ETV6: variants seen among roughly 807,000 people sequenced by gnomAD.
The protein encoded by ETV6 is transcription factor ETV6.
A neutral mutation model predicts 51.1 loss-of-function variants in ETV6; 16 were observed. The observed-to-expected ratio is 0.31, with a 90% CI of 0.21 to 0.48. The LOEUF (loss-of-function observed/expected upper bound fraction) is 0.48. Among genes scored for constraint, ETV6 ranks in the 20% least tolerant of loss-of-function variants. The pLI is 0.99. For missense variants in ETV6, 458 were observed against 594.8 expected (o/e 0.77, Z 2.39); for synonymous variants, 240 against 224.1 (o/e 1.07, Z -0.64).
At chr12:11,866,239 G>A (rs1946789398) in intron 4 of ETV6, among the ~76,000 whole-genome samples, 1 of 151,602 alleles carries the variant, frequency 6.6e-6, no homozygotes, top group South Asian at 2.1e-4. Flanking sequence ...GCCTGTATGT[G>A]TCATCATTTA....
At chr12:11,875,074 G>A (rs1298766871) in intron 5 of ETV6, among the ~76,000 whole-genome samples, 1 of 152,060 alleles carries the variant, frequency 6.6e-6, no homozygotes, top group Non-Finnish European at 1.5e-5. Flanking sequence ...GCAAATTTAT[G>A]TCTGTTAGGT....
At chr12:11,681,534 A>G (rs1365931301) in intron 1 of ETV6, among the ~76,000 whole-genome samples, 3 of 152,184 alleles carry the variant, frequency 2.0e-5, no homozygotes, top group Non-Finnish European at 4.4e-5. Flanking sequence ...AAATCTATAT[A>G]GCAAATTTTT....
At position 11,850,615 on chromosome 12, in the gene ETV6, C is replaced by T. The variant is rs115382389; in HGVS notation, c.329-2812C>T. On this transcript the variant is annotated intron_variant, in intron 3 of 7. Transcript: ENST00000396373. ...GTGTTTACTGAGCTTTTCCTGTTTGCCTCACGCCATGATGAGCTTGTTACA... is the reference window on the plus strand; with the variant it reads ...GTGTTTACTGAGCTTTTCCTGTTTGTCTCACGCCATGATGAGCTTGTTACA... Among the ~76,000 whole-genome samples the T allele has an allele frequency of 5.2e-3, 799 of 152,300 alleles. 14 individuals carry two copies. Among genetic ancestry groups the T allele is most frequent in the African/African-American group, 0.018 (764 of 41,546 alleles).
chr12:11,650,010 G>A lies in ETV6; in HGVS notation c.-118G>A, dbSNP rs531208501. 7.3e-5 allele frequency: 71 copies of A among 976,630 alleles called. No homozygotes were observed. The East Asian group carries it at 1.4e-3, about 19-fold the overall frequency. The allele number at this position is 976,630 out of a possible 1,614,324, so 60.5% of individuals were successfully genotyped here. ...CCCCGGGGCGGCTGCCGGGAGAGAT[G>A]CTGGAAGAAACTTCTTAAATGACCG... On this transcript the variant is annotated 5_prime_UTR_variant, in exon 1 of 8. It removes an upstream start codon present in the reference 5' UTR. Transcript: ENST00000396373.
intron 2 of ETV6, among the ~76,000 whole-genome samples, chr12:11,808,451 A>C (rs73052031): frequency 0.16 from 24,887 of 151,472 alleles, 2,190 homozygotes; most frequent in Middle Eastern, 0.27. Flanking sequence ...AAACAAAAAA[A>C]AAAAACCCAC....
At chr12:11,836,192 A>G (rs1402801798) in intron 2 of ETV6, among the ~76,000 whole-genome samples, 3 of 150,674 alleles carry the variant, frequency 2.0e-5, no homozygotes, top group Middle Eastern at 3.4e-3. Flanking sequence ...TCCCCCCTCA[A>G]TTCTACACCA....
intron 1 of ETV6, chr12:11,750,792 C>CTTTTTTT (rs6144613): frequency 1.8e-4 from 66 of 370,030 alleles, no homozygotes; most frequent in African/African-American, 4.7e-4. Flanking sequence ...TATGTGTGGG[C>CTTTTTTT]TTTTTTTTTT....
At chr12:11,802,029 C>T (rs1056754705) in intron 2 of ETV6, among the ~76,000 whole-genome samples, 4 of 152,186 alleles carry the variant, frequency 2.6e-5, no homozygotes, top group African/African-American at 9.7e-5. Flanking sequence ...GAGCGAGGAA[C>T]TCTTTGTTTG....
chr12:11,751,126 AAT>A (rs1866018088), intron 1 of ETV6, among the ~76,000 whole-genome samples: 1 of 152,210 alleles, frequency 6.6e-6, no homozygotes, highest in Non-Finnish European at 1.5e-5. Context: ...AAATTATAAC[AAT>A]ATGTATATAT....
Position 11,856,070 on chromosome 12 carries a change from G to T in ETV6, c.463+2509G>T, listed in dbSNP as rs972979156. 4.5e-4 allele frequency among the ~76,000 whole-genome samples: 68 copies of T among 151,988 alleles called. 1 individual carries two copies. The highest frequency in any genetic ancestry group is 1.0e-4 in the Non-Finnish European group (7 of 68,024). On this transcript the variant is annotated intron_variant, in intron 4 of 7. Transcript: ENST00000396373. ...ATTTTATTCCTGAGTGTGATTGGAG[G>T]CTTATGGTCTCTCCTCCTCACAGAT... is the stretch of plus-strand genomic sequence containing the variant.
chr12:11,729,127 C>T (rs772544720), intron 1 of ETV6, among the ~76,000 whole-genome samples: 5 of 152,208 alleles, frequency 3.3e-5, no homozygotes, highest in East Asian at 3.8e-4. Flanking sequence ...TGTGAGAAAG[C>T]GTGACAGTCA....
chr12:11,714,651 A>T (rs11054427), intron 1 of ETV6, among the ~76,000 whole-genome samples: 5 of 89,232 alleles, frequency 5.6e-5, no homozygotes, highest in Admixed American at 1.5e-4. Context: ...CTTGAGGTGA[A>T]AAAAAAAAAA....
chr12:11,832,930 G>A (rs1195793102), intron 2 of ETV6, among the ~76,000 whole-genome samples: 3 of 152,216 alleles, frequency 2.0e-5, no homozygotes, highest in Non-Finnish European at 4.4e-5. Context: ...CACTTTGTCA[G>A]TAACCTGTGG....
intron 1 of ETV6, among the ~76,000 whole-genome samples, chr12:11,706,842 C>T (rs1266294216): frequency 6.6e-6 from 1 of 152,226 alleles, no homozygotes; most frequent in African/African-American, 2.4e-5. Context: ...GAAATCTTTA[C>T]TCTGGTGCAC....
At chr12:11,750,568 C>G (rs1591648489) in intron 1 of ETV6, among the ~76,000 whole-genome samples, 1 of 152,122 alleles carries the variant, frequency 6.6e-6, no homozygotes, top group Non-Finnish European at 1.5e-5. Context: ...TTTTCTTCAC[C>G]AAGTTTCACT....
At chr12:11,802,796 A>T (rs570576301) in intron 2 of ETV6, among the ~76,000 whole-genome samples, 1 of 152,180 alleles carries the variant, frequency 6.6e-6, no homozygotes, top group Non-Finnish European at 1.5e-5. Flanking sequence ...AATGTCTCCA[A>T]TGTTGGGAAT....
chr12:11,654,855 C>G (rs1386492740), intron 1 of ETV6, among the ~76,000 whole-genome samples: 1 of 152,122 alleles, frequency 6.6e-6, no homozygotes, highest in Non-Finnish European at 1.5e-5. Context: ...GTCAGACAAT[C>G]CTATTTATAC....
intron 1 of ETV6, among the ~76,000 whole-genome samples, chr12:11,699,923 T>A (rs938214816): frequency 2.0e-5 from 3 of 152,230 alleles, no homozygotes; most frequent in African/African-American, 7.2e-5. Context: ...GAGCTCCTGT[T>A]GGAAAAATGT....
intron 1 of ETV6, among the ~76,000 whole-genome samples, chr12:11,741,604 TAAC>T (rs1412071191): frequency 1.3e-5 from 2 of 152,136 alleles, no homozygotes; most frequent in Non-Finnish European, 2.9e-5. Flanking sequence ...AGGGAGAAAA[TAAC>T]AACCATGGCT....
Sources: gnomAD v4.1 joint callset for allele counts (sites outside exome capture counted in the v4.1 genomes callset) on GRCh38, gnomAD v4.1.1 for gene constraint, MANE v1.5 for transcripts, NCBI Gene and HGNC (gene_info 2026-07-23, HGNC 2026-07-21) for gene names.